RELN: variants seen among roughly 807,000 people sequenced by gnomAD.
RELN encodes the protein reelin.
In RELN, 108 loss-of-function variants were observed where a neutral mutation model predicts 427.6. The observed-to-expected ratio is 0.25, with a 90% CI of 0.22 to 0.30. The LOEUF (loss-of-function observed/expected upper bound fraction) is 0.30. Ranked by LOEUF, RELN falls within the 10% of genes least tolerant of loss-of-function variation. The pLI, the probability that RELN is intolerant of heterozygous loss-of-function variation, is 1.00. For synonymous variants in RELN, 1,524 were observed against 1,513.4 expected (o/e 1.01, Z -0.16); for missense variants, 3,715 against 4,302.8 (o/e 0.86, Z 3.82).
At chr7:103,805,892 A>G (rs1349186906) in intron 3 of RELN, among the ~76,000 whole-genome samples, 3 of 152,188 alleles carry the variant, frequency 2.0e-5, no homozygotes, top group South Asian at 4.1e-4. Flanking sequence ...CTTAACAGCT[A>G]TTCCATGGGG....
chr7:103,907,775 T>C (rs371107081), intron 2 of RELN, among the ~76,000 whole-genome samples: 2 of 28,672 alleles, frequency 7.0e-5, no homozygotes, highest in African/African-American at 1.9e-4. Context: ...TTTTTTTTTC[T>C]TTTTTAAAAA....
chr7:103,728,191 A>C lies in RELN; in HGVS notation c.673T>G (p.Cys225Gly), dbSNP rs371731772. The change falls in exon 7 of 65, where the codon TGT (cysteine) becomes GGT (glycine). Residue 225 changes from cysteine to glycine, a missense_variant. This residue lies in a region of RELN where 2,208 missense variants were observed against 2,361.7 expected (regional missense o/e 0.93). Transcript: ENST00000428762. The part of the protein sequence containing the change: ...NPNIWVECNN[C>G]ETGEQCGAIM... ...GCGCCACACTGTTCTCCAGTCTCAC[A>C]GTTGTTACATTCAACCCTGCAGGAA... The C allele has an allele frequency of 6.8e-6, 11 of 1,613,826 alleles. No homozygotes were observed. Among genetic ancestry groups the C allele is most frequent in the African/African-American group, 4.0e-5 (3 of 75,038 alleles).
intron 2 of RELN, among the ~76,000 whole-genome samples, chr7:103,849,679 A>T (rs28529490): frequency 1.3e-5 from 2 of 152,068 alleles, no homozygotes; most frequent in East Asian, 3.9e-4. Context: ...ATAGAACTGG[A>T]GTCAGTGAAC....
Position 103,491,854 on chromosome 7 carries a change from T to TCACACACACA in RELN, c.9443+98_9443+99insTGTGTGTGTG, listed in dbSNP as rs1465537709. On this transcript the variant is annotated intron_variant, in intron 58 of 64. Transcript: ENST00000428762. ...CTCTCTCTCTCTCTCTCTCTCTCTCTCTCACACACACACACACACACACAC... is the reference window on the plus strand; with the variant it reads ...CTCTCTCTCTCTCTCTCTCTCTCTCTCACACACACACTCACACACACACACACACACACAC... The TCACACACACA allele has an allele frequency of 1.2e-3, 446 of 377,738 alleles. 2 individuals carry two copies. Among genetic ancestry groups the TCACACACACA allele is most frequent in the African/African-American group, 8.2e-3 (208 of 25,370 alleles). 23.4% of individuals were successfully genotyped at this position (377,738 alleles called of 1,614,324 possible).
intron 6 of RELN, among the ~76,000 whole-genome samples, chr7:103,739,211 T>G (rs971978575): frequency 3.3e-5 from 5 of 152,224 alleles, no homozygotes; most frequent in African/African-American, 7.2e-5. Flanking sequence ...CATAAAATAC[T>G]GGCACTGTTT....
chr7:103,787,953 G>A (rs537122013), intron 3 of RELN, among the ~76,000 whole-genome samples: 21 of 152,178 alleles, frequency 1.4e-4, no homozygotes, highest in African/African-American at 3.9e-4. Flanking sequence ...CTGGCAAACC[G>A]AATCCAGCAG....
intron 33 of RELN, among the ~76,000 whole-genome samples, chr7:103,565,812 C>T (rs1830738067): frequency 6.6e-6 from 1 of 152,106 alleles, no homozygotes; most frequent in Admixed American, 6.5e-5. Flanking sequence ...TGATATATTA[C>T]AGTTATACAT....
At position 103,919,133 on chromosome 7, in the gene RELN, C is replaced by CTTT. The variant is rs1187538150; in HGVS notation, c.227-1951_227-1949dup. Among the ~76,000 whole-genome samples, 252 of 101,332 alleles carry CTTT rather than the reference C, an allele frequency of 2.5e-3. 3 individuals carry two copies. The highest frequency in any genetic ancestry group is 8.3e-3 in the African/African-American group (224 of 27,100). 66.5% of individuals were successfully genotyped at this position (101,332 alleles called of 152,430 possible). A position where few individuals can be genotyped will look rare whatever the true frequency, so the allele number is the denominator to read the frequency against. On this transcript the variant is annotated intron_variant, in intron 1 of 64. Coordinates refer to ENST00000428762, the MANE Select transcript of RELN (RefSeq NM_005045.4). Reference sequence around the variant, plus strand: ...ATCCATATGTGAACTGATAATCGGTCTTTTTTTTTTTTTTTTTTTTTTTAG... The same window carrying CTTT: ...ATCCATATGTGAACTGATAATCGGTCTTTTTTTTTTTTTTTTTTTTTTTTTTAG...
At chr7:103,770,805 C>T (rs980359892) in intron 4 of RELN, among the ~76,000 whole-genome samples, 1 of 151,974 alleles carries the variant, frequency 6.6e-6, no homozygotes, top group Admixed American at 6.6e-5. Flanking sequence ...CCCTTGACTG[C>T]CTGACTCCAA....
chr7:103,763,945 T>G (rs968425045), intron 4 of RELN, among the ~76,000 whole-genome samples: 1 of 152,070 alleles, frequency 6.6e-6, no homozygotes, highest in African/African-American at 2.4e-5. Context: ...TTAAGAGACA[T>G]TGTGTAAATT....
At chr7:103,548,836 G>A (rs190918315) in intron 41 of RELN, among the ~76,000 whole-genome samples, 2 of 152,152 alleles carry the variant, frequency 1.3e-5, no homozygotes, top group South Asian at 2.1e-4. Flanking sequence ...TCTCTGTGAC[G>A]CTGGAGCACT....
Position 103,683,551 on chromosome 7 carries a change from G to T in RELN, c.1144-1290C>A, listed in dbSNP as rs188743169. ...GGAGCTGAAAAATTTCTATCACCTA[G>T]TGATGTCATAGTTATCATAACATCA... is the stretch of plus-strand genomic sequence containing the variant. On this transcript the variant is annotated intron_variant, in intron 10 of 64. Coordinates refer to ENST00000428762, the MANE Select transcript of RELN (RefSeq NM_005045.4). Among the ~76,000 whole-genome samples, 17 of 152,236 alleles carry T rather than the reference G, an allele frequency of 1.1e-4. No individual in the cohort carries two copies. The East Asian group carries it at 3.3e-3, about 29-fold the overall frequency.
chr7:103,611,384 T>A (rs553516421), intron 21 of RELN, among the ~76,000 whole-genome samples: 2 of 152,310 alleles, frequency 1.3e-5, no homozygotes, highest in African/African-American at 4.8e-5. Context: ...GGAAGTTATT[T>A]TCATTTCTTT....
Position 103,572,251 on chromosome 7 carries a change from T to C in RELN, c.4521A>G (p.Gln1507=), listed in dbSNP as rs1172611728. The C allele has an allele frequency of 3.8e-6, 6 of 1,566,400 alleles. No individual in the cohort carries two copies. The South Asian group carries it at 5.6e-5, about 14-fold the overall frequency. ...PLDTRNIRLV[Q]FYIQIGSKTS... ...TTTTGCTTCCAATTTGTATATAAAA[T>C]TGAACAAGTCTGGGGAATAAAAACT... The change falls in exon 31 of 65, where the codon CAA becomes CAG. Residue 1507 remains glutamine, a synonymous_variant. Coordinates refer to ENST00000428762, the MANE Select transcript of RELN (RefSeq NM_005045.4).
chr7:103,691,249 C>G (rs1217933456), intron 10 of RELN, among the ~76,000 whole-genome samples: 1 of 152,060 alleles, frequency 6.6e-6, no homozygotes, highest in African/African-American at 2.4e-5. Flanking sequence ...GGTCTTATAT[C>G]TGAAACTATT....
intron 2 of RELN, among the ~76,000 whole-genome samples, chr7:103,868,837 G>A (rs2299390): frequency 0.14 from 21,819 of 151,826 alleles, 1,879 homozygotes; most frequent in East Asian, 0.34. Context: ...AATAACCTTT[G>A]TCTTGACATT....
At chr7:103,963,462 T>G (rs957252971) in intron 1 of RELN, among the ~76,000 whole-genome samples, 1 of 152,206 alleles carries the variant, frequency 6.6e-6, no homozygotes, top group African/African-American at 2.4e-5. Flanking sequence ...ATTATCTATG[T>G]TATTTATCAA....
intron 2 of RELN, among the ~76,000 whole-genome samples, chr7:103,886,974 A>G (rs1230376145): frequency 1.3e-5 from 2 of 152,240 alleles, no homozygotes; most frequent in African/African-American, 2.4e-5. Context: ...AAGATAACAT[A>G]AAAACCAGCA....
intron 3 of RELN, among the ~76,000 whole-genome samples, chr7:103,806,324 T>C (rs1177776508): frequency 6.6e-6 from 1 of 152,062 alleles, no homozygotes; most frequent in East Asian, 1.9e-4. Flanking sequence ...AAGCACTTTC[T>C]TTCTTTTTTC....
Sources: allele counts gnomAD v4.1 joint callset (sites outside exome capture counted in the v4.1 genomes callset), GRCh38; gene constraint gnomAD v4.1.1; regional missense constraint gnomAD v4.1.1; transcripts MANE v1.5; gene names NCBI Gene and HGNC (gene_info 2026-07-23, HGNC 2026-07-21).